The following DOP1B variants were observed in gnomAD, a reference collection of about 807,000 sequenced individuals.
DOP1B encodes protein DOP1B.
DOP1B carries 174 observed loss-of-function variants against 233.5 expected under a neutral mutation model. That is an observed-to-expected ratio of 0.75 (90% CI 0.66 to 0.85). The LOEUF (loss-of-function observed/expected upper bound fraction) is 0.85. Among genes scored for constraint, DOP1B ranks in the 40% least tolerant of loss-of-function variants. DOP1B has a pLI of 0.00. For missense variants in DOP1B, 2,652 were observed against 2,846.6 expected (o/e 0.93, Z 1.56); for synonymous variants, 1,190 against 1,185.6 (o/e 1.00, Z -0.08).
At position 36,239,846 on chromosome 21, in the gene DOP1B, G is replaced by A. The variant is rs527467240; in HGVS notation, c.2958G>A (p.Ala986=). ...GAAAQGWLVR[A]LSLGDVARIL... ...CAGCCCAGGGCTGGCTGGTGCGTGC[G>A]CTCTCCCTCGGGGACGTGGCTCGCA... The change falls in exon 18 of 37, where the codon GCG becomes GCA. Residue 986 remains alanine (A), a synonymous_variant. Transcript: ENST00000691173. 79 of 1,583,868 alleles carry A rather than the reference G, an allele frequency of 5.0e-5. No individual in the cohort carries two copies. In the South Asian group the frequency reaches 7.1e-4, roughly 14 times the overall value.
At chr21:36,194,385 TATTA>T (rs900348263) in intron 2 of DOP1B, among the ~76,000 whole-genome samples, 2 of 152,128 alleles carry the variant, frequency 1.3e-5, no homozygotes, top group African/African-American at 4.8e-5. Context: ...TTCACTGTTA[TATTA>T]ATTTTATTTT....
chr21:36,273,849 G>A (rs2067318858), intron 27 of DOP1B, among the ~76,000 whole-genome samples: 1 of 152,112 alleles, frequency 6.6e-6, no homozygotes, highest in African/African-American at 2.4e-5. Context: ...GCCGAGGCGG[G>A]CGGATCACGA....
At chr21:36,258,079 GTAGA>G (rs926124395) in intron 23 of DOP1B, among the ~76,000 whole-genome samples, 10 of 152,092 alleles carry the variant, frequency 6.6e-5, no homozygotes, top group East Asian at 3.9e-4. Context: ...GTAGATGTAG[GTAGA>G]TAGATAGATA....
intron 2 of DOP1B, among the ~76,000 whole-genome samples, chr21:36,179,945 G>C (rs2066077109): frequency 6.6e-6 from 1 of 152,172 alleles, no homozygotes; most frequent in African/African-American, 2.4e-5. Flanking sequence ...TCTGGACACA[G>C]GGGTATGTGC....
chr21:36,229,208 G>A (rs1445269361), intron 13 of DOP1B, among the ~76,000 whole-genome samples: 1 of 152,152 alleles, frequency 6.6e-6, no homozygotes, highest in East Asian at 1.9e-4. Context: ...CCATAATAAA[G>A]TACCACAGAC....
In DOP1B at chr21:36,170,720, A is replaced by G. The variant is rs778783833; in HGVS notation, c.138+5849A>G. Among the ~76,000 whole-genome samples, 5 of 151,758 alleles carry G rather than the reference A, an allele frequency of 3.3e-5. No individual in the cohort carries two copies. In the East Asian group the frequency reaches 5.8e-4, roughly 18 times the overall value. On this transcript the variant is annotated intron_variant, in intron 2 of 36. Transcript: ENST00000691173. Reference sequence around the variant, plus strand: ...TGAAGTAGGAGGATCGCTTGAGCCCAGGAGATCAAGGCTGCAGTGAGCATG... The same window carrying G: ...TGAAGTAGGAGGATCGCTTGAGCCCGGGAGATCAAGGCTGCAGTGAGCATG...
chr21:36,204,338 C>A (rs1202535788), intron 4 of DOP1B, among the ~76,000 whole-genome samples: 1 of 152,092 alleles, frequency 6.6e-6, no homozygotes, highest in Non-Finnish European at 1.5e-5. Flanking sequence ...ATAAGGGAGG[C>A]CATAGTACAG....
chr21:36,176,504 T>C (rs1218447209), intron 2 of DOP1B, among the ~76,000 whole-genome samples: 1 of 152,164 alleles, frequency 6.6e-6, no homozygotes, highest in East Asian at 1.9e-4. Context: ...TTTGGGGCTA[T>C]GATTTTAGCC....
chr21:36,167,322 G>A (rs1303990143), intron 2 of DOP1B, among the ~76,000 whole-genome samples: 1 of 152,016 alleles, frequency 6.6e-6, no homozygotes. Context: ...AGAGGTGCCC[G>A]CCACCAGGCC....
intron 31 of DOP1B, 21 bp from the exon 32 acceptor site, chr21:36,281,462 A>T (rs2067414988): frequency 1.3e-6 from 2 of 1,570,588 alleles, no homozygotes; most frequent in Non-Finnish European, 1.7e-6. Context: ...ACTAAGTAAA[A>T]CATTGCTGTA....
chr21:36,269,911 G>A, intron 26 of DOP1B, 102 bp from the exon 27 acceptor site: 2 of 1,231,708 alleles, frequency 1.6e-6, no homozygotes, highest in East Asian at 2.3e-5. Flanking sequence ...TATGCTCACA[G>A]CTGTGGCCTG....
chr21:36,270,252 A>C, intron 27 of DOP1B, 95 bp downstream of exon 27: 1 of 1,427,460 alleles, frequency 7.0e-7, no homozygotes, highest in Non-Finnish European at 9.5e-7. Context: ...CCACAAAAAG[A>C]AAGAAAGTAC....
rs910502540 is a variant in DOP1B at position 36,285,055 on chromosome 21, AT to A, written c.6161-2952del. On this transcript the variant is annotated intron_variant, in intron 32 of 36. Transcript: ENST00000691173. ...GTTTTGGGCTCTTGGGAAAAGAGAA[AT>A]TTTTTTGTTGTTGTTGGGAGGGGAA... Among the ~76,000 whole-genome samples the A allele has an allele frequency of 2.4e-4, 37 of 152,042 alleles. 1 individual carries two copies. Among genetic ancestry groups the A allele is most frequent in the Admixed American group, 4.6e-4 (7 of 15,232 alleles).
chr21:36,273,050 C>T (rs1327872512), intron 27 of DOP1B, among the ~76,000 whole-genome samples: 5 of 148,986 alleles, frequency 3.4e-5, no homozygotes, highest in African/African-American at 5.0e-5. Flanking sequence ...TGCAGTGAGT[C>T]GAGATGGCGT....
Position 36,227,709 on chromosome 21 carries a change from C to G in DOP1B, c.1497C>G (p.Thr499=). ...AGGAACTTTACTCTGAGGTGCAAAC[C>G]CAGTATCTCCCTCAGGTGCTCGGCT... The part of the protein sequence containing the change: ...IPLELYSEVQ[T]QYLPQVLGCL... The change falls in exon 13 of 37, where the codon ACC becomes ACG. Residue 499 remains threonine (T), a synonymous_variant. Transcript: ENST00000691173. The G allele has an allele frequency of 6.3e-7, 1 of 1,576,566 alleles. No homozygotes were observed. Among genetic ancestry groups the G allele is most frequent in the Non-Finnish European group, 8.6e-7 (1 of 1,156,580 alleles).
At chr21:36,257,776 GTAGGTAGGTAGGTAGGTA>G (rs1434979264) in intron 23 of DOP1B, among the ~76,000 whole-genome samples, 1 of 92,464 alleles carries the variant, frequency 1.1e-5, no homozygotes, top group Non-Finnish European at 2.1e-5. Context: ...GTAGAGAGAT[GTAGGTAGGTAGGTAGGTA>G]GATGTAGGGT....
intron 1 of DOP1B, among the ~76,000 whole-genome samples, chr21:36,163,891 G>A (rs549220281): frequency 6.6e-6 from 1 of 152,186 alleles, no homozygotes; most frequent in African/African-American, 2.4e-5. Context: ...TTCATGACAG[G>A]TGCAAGATGT....
In DOP1B at chr21:36,259,044, C is replaced by T. The variant is rs1024698857; in HGVS notation, c.5260-1633C>T. ...AGGCTGGCGCAATCTCGGCTCACTG[C>T]AAGCTCCACCTCCCAGGTTCATGCC... On this transcript the variant is annotated intron_variant, in intron 23 of 36. Coordinates refer to ENST00000691173, the MANE Select transcript of DOP1B (RefSeq NM_001320714.2). Among the ~76,000 whole-genome samples, 227 of 147,404 alleles carry T rather than the reference C, an allele frequency of 1.5e-3. 2 individuals are homozygous for T. The highest frequency in any genetic ancestry group is 2.1e-4 in the Non-Finnish European group (14 of 67,482).
chr21:36,293,130 C>T (rs959686395), intron 36 of DOP1B, among the ~76,000 whole-genome samples, 190 bp from the exon 37 acceptor site: 2 of 151,294 alleles, frequency 1.3e-5, no homozygotes, highest in African/African-American at 2.4e-5. Flanking sequence ...CGCTTGAACC[C>T]GGGAGACAGA....
Sources: gnomAD v4.1 joint callset for allele counts (sites outside exome capture counted in the v4.1 genomes callset) on GRCh38, gnomAD v4.1.1 for gene constraint, MANE v1.5 for transcripts, NCBI Gene and HGNC (gene_info 2026-07-23, HGNC 2026-07-21) for gene names.